Variants in ZCWPW2 observed in about 807,000 individuals in gnomAD.
ZCWPW2 encodes zinc finger CW-type and PWWP domain containing 2.
ZCWPW2 carries 45 observed loss-of-function variants against 46.6 expected under a neutral mutation model. That is an observed-to-expected ratio of 0.96 (90% CI 0.76 to 1.24). The LOEUF is 1.24. ZCWPW2 is among the 50% of genes most tolerant of loss of function. The pLI is 0.00. For synonymous variants in ZCWPW2, 152 were observed against 137.1 expected (o/e 1.11, Z -0.76); for missense variants, 429 against 403.9 (o/e 1.06, Z -0.53).
chr3:28,357,641 A>G (rs1344190603), intron 1 of ZCWPW2, among the ~76,000 whole-genome samples: 1 of 151,872 alleles, frequency 6.6e-6, no homozygotes, highest in Non-Finnish European at 1.5e-5. Flanking sequence ...TAGAATTTAT[A>G]GCATTGGCTC....
At chr3:28,510,913 A>G in intron 6 of ZCWPW2, 1 of 355,028 alleles carries the variant, frequency 2.8e-6, no homozygotes, top group Admixed American at 3.5e-5. Context: ...TTAGTAGGGA[A>G]TGAAACAATT....
At chr3:28,363,495 G>C (rs910835469) in intron 1 of ZCWPW2, among the ~76,000 whole-genome samples, 4 of 152,040 alleles carry the variant, frequency 2.6e-5, no homozygotes, top group Non-Finnish European at 4.4e-5. Flanking sequence ...CTGATGCTTT[G>C]ACATTCTGGT....
At chr3:28,424,439 C>G (rs1696922315) in intron 3 of ZCWPW2, among the ~76,000 whole-genome samples, 1 of 151,922 alleles carries the variant, frequency 6.6e-6, no homozygotes, top group East Asian at 1.9e-4. Flanking sequence ...AAAATGAGAT[C>G]AAAAGTAAGA....
intron 3 of ZCWPW2, among the ~76,000 whole-genome samples, chr3:28,433,309 C>G (rs1406899060): frequency 6.6e-6 from 1 of 152,102 alleles, no homozygotes; most frequent in Non-Finnish European, 1.5e-5. Flanking sequence ...GTTTCCCTCC[C>G]TTTGGTACTG....
intron 1 of ZCWPW2, among the ~76,000 whole-genome samples, chr3:28,377,517 A>T (rs1262547254): frequency 1.3e-5 from 2 of 152,102 alleles, no homozygotes; most frequent in African/African-American, 4.8e-5. Flanking sequence ...AAAGTGGTCA[A>T]CTGAATTAAA....
At chr3:28,467,343 A>G (rs904312356) in intron 4 of ZCWPW2, among the ~76,000 whole-genome samples, 3 of 150,300 alleles carry the variant, frequency 2.0e-5, no homozygotes, top group African/African-American at 5.0e-5. Flanking sequence ...TTTAAAAAAT[A>G]TATAAAAATA....
intron 1 of ZCWPW2, among the ~76,000 whole-genome samples, chr3:28,384,862 C>T (rs1178301371): frequency 1.3e-5 from 2 of 152,112 alleles, no homozygotes; most frequent in Non-Finnish European, 2.9e-5. Context: ...GTGATCCACC[C>T]GCCTTGGCCT....
intron 3 of ZCWPW2, 147 bp from the exon 4 acceptor site, chr3:28,434,963 C>A: frequency 1.2e-6 from 1 of 820,438 alleles, no homozygotes; most frequent in Non-Finnish European, 1.8e-6. Flanking sequence ...AAACAAATAT[C>A]CTACCTTTGA....
chr3:28,356,811 A>G (rs1336208184), intron 1 of ZCWPW2, among the ~76,000 whole-genome samples: 1 of 152,176 alleles, frequency 6.6e-6, no homozygotes, highest in East Asian at 1.9e-4. Flanking sequence ...CAATGAGAAC[A>G]CTTGGACACA....
At chr3:28,413,027 C>G in intron 2 of ZCWPW2, 29 bp from the exon 3 acceptor site, 1 of 1,536,842 alleles carries the variant, frequency 6.5e-7, no homozygotes. Context: ...AATCCTCATT[C>G]TGTTATTTTC....
At chr3:28,490,678 G>A (rs899953987) in intron 5 of ZCWPW2, among the ~76,000 whole-genome samples, 1 of 151,946 alleles carries the variant, frequency 6.6e-6, no homozygotes, top group African/African-American at 2.4e-5. Flanking sequence ...GAGGGTGGAG[G>A]GTGGAAAGAG....
chr3:28,521,359 G>T (rs1415391212), intron 9 of ZCWPW2, among the ~76,000 whole-genome samples: 1 of 152,140 alleles, frequency 6.6e-6, no homozygotes. Context: ...AAATCTTTGG[G>T]ATTGGAGTGA....
At chr3:28,521,187 T>C (rs1372504954) in intron 9 of ZCWPW2, 71 bp downstream of exon 9, 1 of 1,479,866 alleles carries the variant, frequency 6.8e-7, no homozygotes, top group South Asian at 1.3e-5. Flanking sequence ...TTGTTCCTAG[T>C]TGTACATTTT....
At chr3:28,379,740 C>T (rs1369487553) in intron 1 of ZCWPW2, among the ~76,000 whole-genome samples, 4 of 151,858 alleles carry the variant, frequency 2.6e-5, no homozygotes, top group Non-Finnish European at 5.9e-5. Context: ...AATTATATCT[C>T]ACAATAAAGT....
At chr3:28,436,242 A>T (rs942808589) in intron 4 of ZCWPW2, among the ~76,000 whole-genome samples, 1 of 151,874 alleles carries the variant, frequency 6.6e-6, no homozygotes, top group African/African-American at 2.4e-5. Context: ...TCTGCAAATC[A>T]TGCTTTCATT....
chr3:28,409,122 CTTTTTTTTTTTT>C (rs11328735), intron 2 of ZCWPW2, among the ~76,000 whole-genome samples: 12 of 82,322 alleles, frequency 1.5e-4, no homozygotes, highest in African/African-American at 3.1e-4. Flanking sequence ...TTTTCTTTTT[CTTTTTTTTTTTT>C]TTTTTTTTTT....
At position 28,381,985 on chromosome 3, in the gene ZCWPW2, A is replaced by G. The variant is rs548712595; in HGVS notation, c.-133-8513A>G. On this transcript the variant is annotated intron_variant, in intron 1 of 9. Coordinates refer to ENST00000383768, the MANE Select transcript of ZCWPW2 (RefSeq NM_001040432.4). ...CGAGACCATCCAGACCAACATGGAGAAGCCCCATCTCTACTAAAAATACAA... is the reference window on the plus strand; with the variant it reads ...CGAGACCATCCAGACCAACATGGAGGAGCCCCATCTCTACTAAAAATACAA... Among the ~76,000 whole-genome samples the G allele has an allele frequency of 2.4e-4, 36 of 152,120 alleles. No individual in the cohort carries two copies. The East Asian group carries it at 6.8e-3, about 29-fold the overall frequency.
chr3:28,516,864 T>A (rs960972746), intron 8 of ZCWPW2, among the ~76,000 whole-genome samples: 5 of 146,232 alleles, frequency 3.4e-5, no homozygotes, highest in South Asian at 2.2e-4. Context: ...AAAAAAAAAA[T>A]AACTGGGCAT....
chr3:28,412,840 G>T (rs1202776479), intron 2 of ZCWPW2, among the ~76,000 whole-genome samples: 1 of 151,580 alleles, frequency 6.6e-6, no homozygotes, highest in Non-Finnish European at 1.5e-5. Context: ...TTTAATTTTG[G>T]TGCATTTTAT....
Sources: allele counts gnomAD v4.1 joint callset (sites outside exome capture counted in the v4.1 genomes callset), GRCh38; gene constraint gnomAD v4.1.1; transcripts MANE v1.5; gene names NCBI Gene and HGNC (gene_info 2026-07-23, HGNC 2026-07-21).